The following CTNNA2 variants were observed in gnomAD, a reference collection of about 807,000 sequenced individuals.
The protein encoded by CTNNA2 is catenin alpha-2.
Under a neutral mutation model 101.0 loss-of-function variants are expected in CTNNA2, and 42 were observed. The ratio of observed to expected loss-of-function variants is 0.42; its 90% CI spans 0.32 to 0.54. The LOEUF is 0.54. Ranked by LOEUF, CTNNA2 falls within the 20% of genes least tolerant of loss-of-function variation. The pLI is 0.14. For missense variants in CTNNA2, 871 were observed against 1,223.1 expected (o/e 0.71, Z 4.29); for synonymous variants, 450 against 456.4 (o/e 0.99, Z 0.18).
chr2:79,594,028 A>G (rs1431445334), intron 1 of CTNNA2, among the ~76,000 whole-genome samples: 2 of 150,830 alleles, frequency 1.3e-5, no homozygotes, highest in Admixed American at 1.3e-4. Flanking sequence ...AGCTGGGATT[A>G]TAGGCGACCA....
At chr2:79,406,146 C>A (rs945959305) in intron 4 of CTNNA2, among the ~76,000 whole-genome samples, 1 of 152,148 alleles carries the variant, frequency 6.6e-6, no homozygotes, top group East Asian at 1.9e-4. Flanking sequence ...CAAGAAAGGT[C>A]ATTGATACTT....
intron 4 of CTNNA2, among the ~76,000 whole-genome samples, chr2:79,402,624 T>G (rs190780566): frequency 1.3e-5 from 2 of 151,836 alleles, no homozygotes; most frequent in East Asian, 3.9e-4. Flanking sequence ...CTAAATATCA[T>G]ACTGCATCAT....
chr2:79,501,744 A>G (rs564125997), intron 4 of CTNNA2, among the ~76,000 whole-genome samples: 24 of 152,180 alleles, frequency 1.6e-4, no homozygotes, highest in Admixed American at 1.2e-3. Flanking sequence ...CAGAATTACA[A>G]TGTAAGTTGA....
intron 2 of CTNNA2, among the ~76,000 whole-genome samples, chr2:79,706,029 G>A (rs545865047): frequency 1.3e-5 from 2 of 152,178 alleles, no homozygotes; most frequent in South Asian, 4.2e-4. Context: ...GTATGCCAGA[G>A]GCATGGAAGA....
intron 7 of CTNNA2, among the ~76,000 whole-genome samples, chr2:80,285,759 C>G (rs1308613466): frequency 6.6e-6 from 1 of 152,130 alleles, no homozygotes; most frequent in Non-Finnish European, 1.5e-5. Context: ...ACAGATGAGC[C>G]TTCAAATATG....
chr2:79,490,863 T>A (rs1671201319), intron 4 of CTNNA2, among the ~76,000 whole-genome samples: 1 of 152,140 alleles, frequency 6.6e-6, no homozygotes, highest in African/African-American at 2.4e-5. Context: ...AGAGCAGAAG[T>A]TTTGGACATA....
intron 7 of CTNNA2, among the ~76,000 whole-genome samples, chr2:80,274,189 C>T (rs77810482): frequency 3.3e-5 from 5 of 151,980 alleles, no homozygotes; most frequent in African/African-American, 7.2e-5. Flanking sequence ...TGAAAAAGGC[C>T]GAGACAATAG....
chr2:79,951,569 G>A (rs1050681156), intron 7 of CTNNA2, among the ~76,000 whole-genome samples: 6 of 152,108 alleles, frequency 3.9e-5, no homozygotes, highest in Non-Finnish European at 7.3e-5. Flanking sequence ...GGAAACGGAG[G>A]CAGGAGAATC....
intron 9 of CTNNA2, among the ~76,000 whole-genome samples, chr2:80,438,109 G>T (rs561769857): frequency 1.8e-4 from 27 of 152,344 alleles, no homozygotes; most frequent in African/African-American, 6.5e-4. Context: ...CAAGACCAAA[G>T]TGTCAGCAAG....
intron 9 of CTNNA2, among the ~76,000 whole-genome samples, chr2:80,491,449 G>A (rs1005141907): frequency 1.3e-5 from 2 of 152,128 alleles, no homozygotes; most frequent in Admixed American, 6.5e-5. Context: ...GTTGAATTTT[G>A]TCATCTGAAA....
chr2:80,626,926 C>A (rs1361731791), intron 18 of CTNNA2, among the ~76,000 whole-genome samples: 1 of 151,856 alleles, frequency 6.6e-6, no homozygotes, highest in Non-Finnish European at 1.5e-5. Context: ...CATGTGTTCT[C>A]ATTGTTCAAC....
intron 7 of CTNNA2, among the ~76,000 whole-genome samples, chr2:79,993,778 G>A (rs1366939042): frequency 1.3e-5 from 2 of 152,174 alleles, no homozygotes; most frequent in South Asian, 4.1e-4. Context: ...AAAAAGAAGT[G>A]GCTCTGGGGA....
At chr2:79,943,776 G>A (rs564945591) in intron 7 of CTNNA2, among the ~76,000 whole-genome samples, 1 of 152,292 alleles carries the variant, frequency 6.6e-6, no homozygotes, top group East Asian at 1.9e-4. Context: ...CATTGTTTAA[G>A]CAAATGATAG....
intron 12 of CTNNA2, 108 bp from the exon 13 acceptor site, chr2:80,574,055 C>G: frequency 1.8e-6 from 2 of 1,110,380 alleles, no homozygotes; most frequent in East Asian, 4.8e-5. Context: ...GTGTCTTGCT[C>G]CACTTAACTT....
intron 2 of CTNNA2, among the ~76,000 whole-genome samples, chr2:79,245,433 G>C (rs778311893): frequency 6.6e-6 from 1 of 152,190 alleles, no homozygotes; most frequent in Non-Finnish European, 1.5e-5. Context: ...TTAGGTGACA[G>C]AGCTAGACTC....
intron 2 of CTNNA2, among the ~76,000 whole-genome samples, chr2:79,274,299 A>G (rs938105174): frequency 1.3e-5 from 2 of 152,062 alleles, no homozygotes; most frequent in African/African-American, 4.8e-5. Context: ...AAAGTGAACT[A>G]AAGACTGAAT....
Position 79,956,271 on chromosome 2 carries a change from G to A in CTNNA2, c.1056+46474G>A, listed in dbSNP as rs144080804. Among the ~76,000 whole-genome samples the A allele has an allele frequency of 4.1e-3, 627 of 151,994 alleles. 8 individuals are homozygous for A. Among genetic ancestry groups the A allele is most frequent in the African/African-American group, 0.014 (588 of 41,450 alleles). On this transcript the variant is annotated intron_variant, in intron 7 of 18. Coordinates refer to ENST00000402739, the MANE Select transcript of CTNNA2 (RefSeq NM_001282597.3). ...ACTCTGCCCTAATCAGTCAATTTCTGCTTGTGTTTTATGATTTGCATTTTA... is the reference window on the plus strand; with the variant it reads ...ACTCTGCCCTAATCAGTCAATTTCTACTTGTGTTTTATGATTTGCATTTTA...
chr2:80,209,018 C>A (rs1707717664), intron 7 of CTNNA2, among the ~76,000 whole-genome samples: 1 of 152,104 alleles, frequency 6.6e-6, no homozygotes. Context: ...ACATAACTCA[C>A]TCTTTTTTTC....
intron 7 of CTNNA2, among the ~76,000 whole-genome samples, chr2:80,355,527 T>G (rs1216320330): frequency 6.6e-6 from 1 of 152,166 alleles, no homozygotes; most frequent in African/African-American, 2.4e-5. Context: ...AACAACTTCT[T>G]GCTATGTAAG....
Sources: gnomAD v4.1 joint callset for allele counts (sites outside exome capture counted in the v4.1 genomes callset) on GRCh38, gnomAD v4.1.1 for gene constraint, MANE v1.5 for transcripts, NCBI Gene and HGNC (gene_info 2026-07-23, HGNC 2026-07-21) for gene names.